MAP4K4: variants seen among roughly 807,000 people sequenced by gnomAD.
MAP4K4 encodes the protein mitogen-activated protein kinase kinase kinase kinase 4.
A neutral mutation model predicts 189.6 loss-of-function variants in MAP4K4; 38 were observed. The observed-to-expected ratio is 0.20, with a 90% CI of 0.15 to 0.26. The LOEUF is 0.26. MAP4K4 is among the 10% of genes least tolerant of loss of function. MAP4K4 has a pLI of 1.00. For synonymous variants in MAP4K4, 610 were observed against 624.3 expected, an observed-to-expected ratio of 0.98 and a Z score of 0.34; for missense variants, 1,054 against 1,726.9, an observed-to-expected ratio of 0.61 and a Z score of 6.91.
At chr2:101,726,162 A>T (rs2055271145) in intron 2 of MAP4K4, among the ~76,000 whole-genome samples, 1 of 152,218 alleles carries the variant, frequency 6.6e-6, no homozygotes, top group South Asian at 2.1e-4. Flanking sequence ...AATCAAATTG[A>T]TGTCTGTGTT....
intron 16 of MAP4K4, among the ~76,000 whole-genome samples, chr2:101,862,589 A>G (rs1050725270): frequency 6.6e-6 from 1 of 152,220 alleles, no homozygotes; most frequent in South Asian, 2.1e-4. Flanking sequence ...GGAGTTTCTG[A>G]ATTATCTAAT....
At chr2:101,866,643 G>A in intron 19 of MAP4K4, 64 bp downstream of exon 19, 1 of 1,577,554 alleles carries the variant, frequency 6.3e-7, no homozygotes. Flanking sequence ...TATCTTGGAA[G>A]TTTGTCTTAA....
rs753239978 is a variant in MAP4K4 at position 101,893,826 on chromosome 2, GC to G, written c.*2578del. ...GCTCACACCGAGTTGTGCTTGGCTT[GC>G]TTGTGCAGCTCCAGGCACCCGGTGG... On this transcript the variant is annotated 3_prime_UTR_variant, in exon 33 of 33. Transcript: ENST00000324219. 1.1e-3 allele frequency: 165 copies of G among 153,062 alleles called. 1 individual carries two copies. The highest frequency in any genetic ancestry group is 1.9e-3 in the Non-Finnish European group (130 of 68,500). 9.5% of individuals were successfully genotyped at this position (153,062 alleles called of 1,614,324 possible).
chr2:101,706,938 C>G (rs1427863968), intron 2 of MAP4K4, among the ~76,000 whole-genome samples: 1 of 152,228 alleles, frequency 6.6e-6, no homozygotes, highest in Admixed American at 6.5e-5. Context: ...GGGACTAAAT[C>G]TCTGGTTTCC....
chr2:101,853,986 C>G (rs867323823), intron 12 of MAP4K4, among the ~76,000 whole-genome samples: 14 of 152,080 alleles, frequency 9.2e-5, no homozygotes, highest in African/African-American at 2.9e-4. Flanking sequence ...TTGCAAAGTT[C>G]CCAGAGATTT....
At chr2:101,772,362 C>T (rs1229530347) in intron 2 of MAP4K4, among the ~76,000 whole-genome samples, 1 of 152,198 alleles carries the variant, frequency 6.6e-6, no homozygotes, top group Non-Finnish European at 1.5e-5. Flanking sequence ...TTTCTTTAAA[C>T]TTGGTTAACT....
At chr2:101,729,960 G>GAACCT (rs1340395542) in intron 2 of MAP4K4, among the ~76,000 whole-genome samples, 6 of 152,284 alleles carry the variant, frequency 3.9e-5, no homozygotes. Flanking sequence ...AAGATGCCAG[G>GAACCT]AACCTGTCTT....
chr2:101,750,824 T>TAA (rs201890890), intron 2 of MAP4K4, among the ~76,000 whole-genome samples: 1 of 134,256 alleles, frequency 7.4e-6, no homozygotes, highest in African/African-American at 2.7e-5. Context: ...AGACCCTGTC[T>TAA]AAAAAAAAAA....
chr2:101,859,251 CTTTA>C lies in MAP4K4; in HGVS notation c.1482+179_1482+182del, dbSNP rs1381841824. Among the ~76,000 whole-genome samples the C allele has an allele frequency of 3.3e-5, 5 of 152,270 alleles. 1 individual carries two copies. In the South Asian group the frequency reaches 1.0e-3, roughly 32 times the overall value. ...TATTGCTAGCACATTGCAACATGGT[CTTTA>C]TTTATTTATATCTCTTTAATAAGTT... On this transcript the variant is annotated intron_variant, in intron 14 of 32. Transcript: ENST00000324219.
intron 14 of MAP4K4, 112 bp from the exon 15 acceptor site, chr2:101,859,518 TTTGCTTTCTTACA>T (rs1285460036): frequency 1.4e-6 from 1 of 700,896 alleles, no homozygotes; most frequent in Non-Finnish European, 2.4e-6. Context: ...TCCCAGCCAT[TTTGCTTTCTTACA>T]AAACACAGAG....
At chr2:101,730,401 A>G (rs2057892706) in intron 2 of MAP4K4, among the ~76,000 whole-genome samples, 1 of 152,174 alleles carries the variant, frequency 6.6e-6, no homozygotes, top group South Asian at 2.1e-4. Flanking sequence ...GGGTTGTGGT[A>G]GGGACAGTTT....
At chr2:101,801,552 T>G (rs1412778431) in intron 3 of MAP4K4, among the ~76,000 whole-genome samples, 1 of 152,192 alleles carries the variant, frequency 6.6e-6, no homozygotes, top group Admixed American at 6.5e-5. Flanking sequence ...ACCCAAAATT[T>G]CAGACTTCCA....
intron 2 of MAP4K4, among the ~76,000 whole-genome samples, chr2:101,716,800 A>G (rs1371073331): frequency 6.6e-6 from 1 of 152,042 alleles, no homozygotes; most frequent in Non-Finnish European, 1.5e-5. Flanking sequence ...GCATGGTGTG[A>G]CTTGGGTTGG....
intron 2 of MAP4K4, among the ~76,000 whole-genome samples, chr2:101,703,938 C>G (rs1015335665): frequency 5.9e-5 from 9 of 151,938 alleles, no homozygotes; most frequent in African/African-American, 2.2e-4. Context: ...TTGAACTTCC[C>G]CAGGAGGTGG....
chr2:101,805,364 C>T (rs907185271), intron 3 of MAP4K4, among the ~76,000 whole-genome samples: 26 of 152,278 alleles, frequency 1.7e-4, no homozygotes, highest in African/African-American at 3.8e-4. Flanking sequence ...TGGAACCATA[C>T]GGTACTCTGT....
At chr2:101,828,631 A>C (rs770345751) in intron 5 of MAP4K4, among the ~76,000 whole-genome samples, 7 of 152,238 alleles carry the variant, frequency 4.6e-5, no homozygotes, top group African/African-American at 7.2e-5. Flanking sequence ...ATAAAACCCC[A>C]TGAAAAAAGA....
chr2:101,816,504 T>A (rs2095727940), intron 3 of MAP4K4, among the ~76,000 whole-genome samples: 1 of 152,074 alleles, frequency 6.6e-6, no homozygotes, highest in Non-Finnish European at 1.5e-5. Context: ...TTTCTCCCCT[T>A]GTGTTATGGG....
At chr2:101,827,801 T>C (rs985759212) in intron 5 of MAP4K4, among the ~76,000 whole-genome samples, 2 of 152,216 alleles carry the variant, frequency 1.3e-5, no homozygotes, top group South Asian at 2.1e-4. Context: ...TAACCAATAC[T>C]GTATGACAAC....
chr2:101,787,041 T>C (rs2091527533), intron 2 of MAP4K4, among the ~76,000 whole-genome samples: 1 of 152,192 alleles, frequency 6.6e-6, no homozygotes, highest in South Asian at 2.1e-4. Flanking sequence ...AAATGGATGC[T>C]AGGTATGTAT....
Sources: allele counts gnomAD v4.1 joint callset (sites outside exome capture counted in the v4.1 genomes callset), GRCh38; gene constraint gnomAD v4.1.1; transcripts MANE v1.5; gene names NCBI Gene and HGNC (gene_info 2026-07-23, HGNC 2026-07-21).